Variants in USP30 observed in about 807,000 individuals in gnomAD.
The protein encoded by USP30 is ubiquitin carboxyl-terminal hydrolase 30.
A neutral mutation model predicts 68.2 loss-of-function variants in USP30; 41 were observed. The ratio of observed to expected loss-of-function variants is 0.60; its 90% CI spans 0.47 to 0.78. The LOEUF is 0.78. Ranked by LOEUF, USP30 falls within the 30% of genes least tolerant of loss-of-function variation. USP30 has a pLI of 0.00. For missense variants in USP30, 522 were observed against 649.4 expected, an observed-to-expected ratio of 0.80 and a Z score of 2.13; for synonymous variants, 229 against 253.7, an observed-to-expected ratio of 0.90 and a Z score of 0.93.
At chr12:109,072,426 A>G in intron 6 of USP30, 76 bp downstream of exon 6, 1 of 1,481,454 alleles carries the variant, frequency 6.8e-7, no homozygotes, top group Non-Finnish European at 9.4e-7. Flanking sequence ...TTGTTTTAAA[A>G]AGATTTTTTT....
At chr12:109,065,133 C>T (rs2041206923) in intron 3 of USP30, among the ~76,000 whole-genome samples, 2 of 152,180 alleles carry the variant, frequency 1.3e-5, no homozygotes, top group Admixed American at 6.5e-5. Flanking sequence ...AGCCCATTGA[C>T]GGCAAGTCAG....
chr12:109,080,833 T>C (rs1056960509), intron 7 of USP30, among the ~76,000 whole-genome samples: 3 of 152,210 alleles, frequency 2.0e-5, no homozygotes, highest in Non-Finnish European at 2.9e-5. Context: ...TACGGTAACA[T>C]GTTATACAGG....
chr12:109,055,834 A>G (rs1337685328), intron 1 of USP30, among the ~76,000 whole-genome samples: 1 of 151,696 alleles, frequency 6.6e-6, no homozygotes, highest in East Asian at 1.9e-4. Flanking sequence ...AAAAAAGAAA[A>G]GAAAAAAAAC....
At chr12:109,058,903 C>T (rs2040966205) in intron 3 of USP30, among the ~76,000 whole-genome samples, 1 of 152,204 alleles carries the variant, frequency 6.6e-6, no homozygotes, top group Admixed American at 6.5e-5. Flanking sequence ...TTGGACAATA[C>T]ATCCATACAC....
intron 3 of USP30, among the ~76,000 whole-genome samples, chr12:109,062,874 C>T (rs975774034): frequency 6.6e-6 from 1 of 152,164 alleles, no homozygotes; most frequent in African/African-American, 2.4e-5. Context: ...CCACTCTCCC[C>T]TCCCCCTAGC....
chr12:109,053,196 T>A (rs1025801765), intron 1 of USP30, among the ~76,000 whole-genome samples: 1 of 152,116 alleles, frequency 6.6e-6, no homozygotes, highest in African/African-American at 2.4e-5. Flanking sequence ...GCACGGTTCT[T>A]CTAGTCCTAT....
At chr12:109,083,223 T>C (rs1197241112) in intron 11 of USP30, among the ~76,000 whole-genome samples, 161 bp downstream of exon 11, 1 of 152,216 alleles carries the variant, frequency 6.6e-6, no homozygotes, top group Non-Finnish European at 1.5e-5. Context: ...GAGGGAAGAT[T>C]TCTTAGAAGA....
upstream of USP30, among the ~76,000 whole-genome samples, chr12:109,050,847 A>C (rs887919595): frequency 6.6e-6 from 1 of 152,094 alleles, no homozygotes; most frequent in Non-Finnish European, 1.5e-5. Flanking sequence ...TCTACTAAAA[A>C]TACAAAAAAA....
Position 109,046,855 on chromosome 12 carries a change from C to T in USP30, c.-135-735C>T, listed in dbSNP as rs564276229. 2.0e-5 allele frequency among the ~76,000 whole-genome samples: 3 copies of T among 152,204 alleles called. No individual in the cohort carries two copies. In the South Asian group the frequency reaches 6.2e-4, roughly 32 times the overall value. ...AGGATTACAGGTGTGCGCCATCATGCCCAGCTAATTTTTGTATTTTTAGTA... is the reference window on the plus strand; with the variant it reads ...AGGATTACAGGTGTGCGCCATCATGTCCAGCTAATTTTTGTATTTTTAGTA... On this transcript the variant is annotated intron_variant, in intron 3 of 15. Transcript: ENST00000392784.
At chr12:109,072,498 A>G in intron 6 of USP30, 148 bp downstream of exon 6, 1 of 732,626 alleles carries the variant, frequency 1.4e-6, no homozygotes, top group Non-Finnish European at 2.3e-6. Context: ...TATTTTGGAA[A>G]TAGCTTTAAA....
At chr12:109,048,537 C>T (rs1300874387), upstream of USP30, among the ~76,000 whole-genome samples, 2 of 151,684 alleles carry the variant, frequency 1.3e-5, no homozygotes, top group Admixed American at 6.6e-5. Context: ...GTCAGGAGTT[C>T]GAGACCAGCC....
chr12:109,056,151 G>A (rs143397780), intron 1 of USP30, among the ~76,000 whole-genome samples: 178 of 150,296 alleles, frequency 1.2e-3, no homozygotes, highest in African/African-American at 4.1e-3. Flanking sequence ...AGTAGCCTTT[G>A]GAATGTGATG....
At chr12:109,082,789 G>T (rs369032252) in intron 10 of USP30, 46 bp downstream of exon 10, 1 of 1,610,200 alleles carries the variant, frequency 6.2e-7, no homozygotes, top group African/African-American at 1.3e-5. Flanking sequence ...TGAGGACTCC[G>T]TGTATCCTGC....
At chr12:109,041,366 G>A (rs2040563273) in intron 3 of USP30, among the ~76,000 whole-genome samples, 1 of 152,168 alleles carries the variant, frequency 6.6e-6, no homozygotes. Flanking sequence ...GCCAGGTGTG[G>A]TGGCTCACTC....
chr12:109,055,556 C>A (rs1399943285), intron 1 of USP30, among the ~76,000 whole-genome samples: 1 of 148,394 alleles, frequency 6.7e-6, no homozygotes, highest in Non-Finnish European at 1.5e-5. Context: ...CCTGCCACCA[C>A]ACCCAGCTAA....
intron 1 of USP30, among the ~76,000 whole-genome samples, chr12:109,055,400 A>ATATATATTTT (rs1298811530): frequency 2.5e-4 from 6 of 24,468 alleles, no homozygotes; most frequent in African/African-American, 5.6e-4. Flanking sequence ...ATATATATAT[A>ATATATATTTT]TTTTTTTTTT....
intron 12 of USP30, among the ~76,000 whole-genome samples, chr12:109,085,338 A>G (rs530499572): frequency 6.6e-6 from 1 of 152,212 alleles, no homozygotes; most frequent in Non-Finnish European, 1.5e-5. Flanking sequence ...AAAATTTAAA[A>G]TTTCTTGGGA....
upstream of USP30, among the ~76,000 whole-genome samples, chr12:109,047,972 A>G (rs1451740153): frequency 6.6e-6 from 1 of 152,046 alleles, no homozygotes; most frequent in East Asian, 1.9e-4. Context: ...TCATAATAAT[A>G]CTAAGCCCTT....
chr12:109,079,328 C>CTTTTTTTTTTTTTTTTTTTTTTT (rs2041710704), intron 7 of USP30, among the ~76,000 whole-genome samples: 1 of 36,810 alleles, frequency 2.7e-5, no homozygotes, highest in African/African-American at 9.9e-5. Context: ...CTCTTTTTTT[C>CTTTTTTTTTTTTTTTTTTTTTTT]TTTTCTTTTT....
Sources: gnomAD v4.1 joint callset for allele counts (sites outside exome capture counted in the v4.1 genomes callset) on GRCh38, gnomAD v4.1.1 for gene constraint, MANE v1.5 for transcripts, NCBI Gene and HGNC (gene_info 2026-07-23, HGNC 2026-07-21) for gene names.